Variants in HS3ST4 observed in about 807,000 individuals in gnomAD.
HS3ST4 encodes the protein heparan sulfate-glucosamine 3-sulfotransferase 4.
Under a neutral mutation model 29.2 loss-of-function variants are expected in HS3ST4, and 17 were observed. The observed-to-expected ratio is 0.58, with a 90% CI of 0.40 to 0.87. The LOEUF (loss-of-function observed/expected upper bound fraction) is 0.87. HS3ST4 is among the 40% of genes least tolerant of loss of function. HS3ST4 has a pLI of 0.00. For missense variants in HS3ST4, 627 were observed against 634.5 expected, an observed-to-expected ratio of 0.99 and a Z score of 0.13; for synonymous variants, 314 against 285.7, an observed-to-expected ratio of 1.10 and a Z score of -1.00.
At chr16:25,947,117 T>G (rs1282415341) in intron 1 of HS3ST4, among the ~76,000 whole-genome samples, 4 of 152,112 alleles carry the variant, frequency 2.6e-5, no homozygotes, top group African/African-American at 7.2e-5. Context: ...ATTTATATTT[T>G]GAAAAGATGG....
Position 25,904,167 on chromosome 16 carries a change from G to GATGA in HS3ST4, c.734+211019_734+211020insAATG, listed in dbSNP as rs1171355994. Among the ~76,000 whole-genome samples, 154 of 37,540 alleles carry GATGA rather than the reference G, an allele frequency of 4.1e-3. 1 individual carries two copies. Among genetic ancestry groups the GATGA allele is most frequent in the Middle Eastern group, 0.018 (1 of 56 alleles). The allele number at this position is 37,540 out of a possible 152,430, so 24.6% of individuals were successfully genotyped here. ...GGATGGATGGATGAATGGATGAATG[G>GATGA]ATGGATGGATGGATGGACGGATGGA... On this transcript the variant is annotated intron_variant, in intron 1 of 1. Coordinates refer to ENST00000331351, the MANE Select transcript of HS3ST4 (RefSeq NM_006040.3).
Position 26,121,529 on chromosome 16 carries a change from C to T in HS3ST4, c.735-14083C>T, listed in dbSNP as rs145627156. On this transcript the variant is annotated intron_variant, in intron 1 of 1. Transcript: ENST00000331351. ...CATAGAAGGGTGACAGAATAAGACT[C>T]AGCGAGAGCAAACAGGGCTTGGATC... Among the ~76,000 whole-genome samples, 4 of 152,292 alleles carry T rather than the reference C, an allele frequency of 2.6e-5. No homozygotes were observed. The East Asian group carries it at 5.8e-4, about 22-fold the overall frequency.
chr16:25,816,903 A>G (rs1054523080), intron 1 of HS3ST4, among the ~76,000 whole-genome samples: 2 of 151,678 alleles, frequency 1.3e-5, no homozygotes, highest in Admixed American at 1.3e-4. Context: ...CACCAATCCC[A>G]CTCCCGAGAT....
intron 1 of HS3ST4, among the ~76,000 whole-genome samples, chr16:25,910,450 G>A (rs1466599591): frequency 6.6e-6 from 1 of 152,074 alleles, no homozygotes. Flanking sequence ...AGACCAACCT[G>A]GCCAATATGG....
At chr16:25,939,327 TATC>T (rs879278655) in intron 1 of HS3ST4, among the ~76,000 whole-genome samples, 2,549 of 36,822 alleles carry the variant, frequency 0.069, 58 homozygotes, top group African/African-American at 0.2. Flanking sequence ...TTATTATTAT[TATC>T]ATTATTATTA....
chr16:26,016,424 A>G lies in HS3ST4; in HGVS notation c.735-119188A>G, dbSNP rs140560415. 3.0e-3 allele frequency among the ~76,000 whole-genome samples: 462 copies of G among 152,268 alleles called. 3 individuals are homozygous for G. The highest frequency in any genetic ancestry group is 0.011 in the African/African-American group (438 of 41,544). On this transcript the variant is annotated intron_variant, in intron 1 of 1. Coordinates refer to ENST00000331351, the MANE Select transcript of HS3ST4 (RefSeq NM_006040.3). Reference sequence around the variant, plus strand: ...GTAGTAAAGAAGCTTTTCACATGTTACTTCTCTTTCTGTCTGATTATACCA... The same window carrying G: ...GTAGTAAAGAAGCTTTTCACATGTTGCTTCTCTTTCTGTCTGATTATACCA...
At chr16:25,929,679 G>A (rs188987474) in intron 1 of HS3ST4, among the ~76,000 whole-genome samples, 18 of 152,302 alleles carry the variant, frequency 1.2e-4, no homozygotes, top group South Asian at 6.2e-4. Flanking sequence ...CAAGGGCTTC[G>A]CACAGGTGAC....
intron 1 of HS3ST4, among the ~76,000 whole-genome samples, chr16:25,807,487 A>C (rs1207391339): frequency 6.6e-6 from 1 of 152,226 alleles, no homozygotes; most frequent in Non-Finnish European, 1.5e-5. Context: ...TGTATGTATC[A>C]GCAGTTACTT....
chr16:26,057,711 T>G (rs1178422611), intron 1 of HS3ST4, among the ~76,000 whole-genome samples: 1 of 152,146 alleles, frequency 6.6e-6, no homozygotes, highest in Admixed American at 6.5e-5. Context: ...TCCACTGCAC[T>G]CTAGCCTGGT....
At chr16:25,777,506 C>T (rs763285800) in intron 1 of HS3ST4, among the ~76,000 whole-genome samples, 100 of 152,176 alleles carry the variant, frequency 6.6e-4, no homozygotes, top group South Asian at 2.1e-4. Flanking sequence ...CGGTGGCTCG[C>T]GCCTGTAATC....
At chr16:25,839,270 A>G (rs985505533) in intron 1 of HS3ST4, among the ~76,000 whole-genome samples, 3 of 152,200 alleles carry the variant, frequency 2.0e-5, no homozygotes, top group African/African-American at 7.2e-5. Context: ...ATCTGATTTT[A>G]TGAAGACATC....
chr16:25,748,004 G>A (rs1966695332), intron 1 of HS3ST4, among the ~76,000 whole-genome samples: 2 of 152,152 alleles, frequency 1.3e-5, no homozygotes, highest in African/African-American at 4.8e-5. Flanking sequence ...GTTACCAATA[G>A]AAGTCGCTGA....
intron 1 of HS3ST4, among the ~76,000 whole-genome samples, chr16:25,897,803 T>C (rs1968084232): frequency 6.6e-6 from 1 of 152,148 alleles, no homozygotes; most frequent in Admixed American, 6.5e-5. Flanking sequence ...AGATGTTCTT[T>C]AGAGCAAGGT....
chr16:26,073,347 G>C (rs1415303645), intron 1 of HS3ST4, among the ~76,000 whole-genome samples: 1 of 147,150 alleles, frequency 6.8e-6, no homozygotes, highest in Non-Finnish European at 1.5e-5. Flanking sequence ...CATGCTTCAA[G>C]AGTTCAGATC....
chr16:25,714,227 TA>T (rs1489268619), intron 1 of HS3ST4, among the ~76,000 whole-genome samples: 1 of 152,038 alleles, frequency 6.6e-6, no homozygotes, highest in African/African-American at 2.4e-5. Context: ...GAAAATAAAA[TA>T]AAGACTCTCT....
At chr16:25,983,488 C>T (rs900811384) in intron 1 of HS3ST4, among the ~76,000 whole-genome samples, 7 of 152,184 alleles carry the variant, frequency 4.6e-5, no homozygotes, top group Non-Finnish European at 1.0e-4. Flanking sequence ...TCCTGTTCTG[C>T]TTCCTTTTGT....
intron 1 of HS3ST4, among the ~76,000 whole-genome samples, chr16:25,794,896 T>TACGCACACACAC: frequency 7.3e-6 from 1 of 136,722 alleles, no homozygotes; most frequent in African/African-American, 2.8e-5. Flanking sequence ...TACTCAAGAA[T>TACGCACACACAC]ACACACACAC....
At chr16:26,031,237 G>T (rs532741404) in intron 1 of HS3ST4, among the ~76,000 whole-genome samples, 1 of 152,214 alleles carries the variant, frequency 6.6e-6, no homozygotes, top group South Asian at 2.1e-4. Context: ...GAGCTGAAGC[G>T]GAAACCCAGG....
At chr16:25,855,967 T>C (rs1240676700) in intron 1 of HS3ST4, among the ~76,000 whole-genome samples, 2 of 151,984 alleles carry the variant, frequency 1.3e-5, no homozygotes, top group Admixed American at 6.6e-5. Flanking sequence ...AAGGCTCTGG[T>C]AAAGTCTTAT....
Sources: allele counts gnomAD v4.1 joint callset (sites outside exome capture counted in the v4.1 genomes callset), GRCh38; gene constraint gnomAD v4.1.1; transcripts MANE v1.5; gene names NCBI Gene and HGNC (gene_info 2026-07-23, HGNC 2026-07-21).